The following HS6ST3 variants were observed in gnomAD, a reference collection of about 807,000 sequenced individuals.
HS6ST3 encodes heparan-sulfate 6-O-sulfotransferase 3.
A neutral mutation model predicts 36.7 loss-of-function variants in HS6ST3; 12 were observed. The ratio of observed to expected loss-of-function variants is 0.33; its 90% confidence interval spans 0.21 to 0.53. The LOEUF (loss-of-function observed/expected upper bound fraction) is 0.53. HS6ST3 is among the 20% of genes least tolerant of loss of function. HS6ST3 has a pLI of 0.95. For missense variants in HS6ST3, 584 were observed against 640.9 expected (o/e 0.91, Z 0.96); for synonymous variants, 240 against 257.5 (o/e 0.93, Z 0.65).
intron 1 of HS6ST3, among the ~76,000 whole-genome samples, chr13:96,424,440 A>G (rs2055576541): frequency 6.6e-6 from 1 of 152,244 alleles, no homozygotes. Context: ...ATCCTTTTAC[A>G]TAATGAATTT....
chr13:96,590,703 C>T (rs572886563), intron 1 of HS6ST3, among the ~76,000 whole-genome samples: 1 of 152,010 alleles, frequency 6.6e-6, no homozygotes, highest in East Asian at 1.9e-4. Context: ...GATGTGATTC[C>T]ATTTGTCCAT....
In HS6ST3 at chr13:96,233,905, G is replaced by T. The variant is rs190143689; in HGVS notation, c.707+142336G>T. Reference sequence around the variant, plus strand: ...AAGGATCAACATGGTCAAAATTACAGCAGGAAATAATTTGCATTCAGGATG... The same window carrying T: ...AAGGATCAACATGGTCAAAATTACATCAGGAAATAATTTGCATTCAGGATG... On this transcript the variant is annotated intron_variant, in intron 1 of 1. Coordinates refer to ENST00000376705, the MANE Select transcript of HS6ST3 (RefSeq NM_153456.4). Among the ~76,000 whole-genome samples the T allele has an allele frequency of 1.5e-3, 222 of 152,248 alleles. 1 individual carries two copies. Among genetic ancestry groups the T allele is most frequent in the Admixed American group, 2.4e-3 (37 of 15,296 alleles).
intron 1 of HS6ST3, among the ~76,000 whole-genome samples, chr13:96,583,204 CTTTTT>C (rs71292889): frequency 2.3e-4 from 12 of 52,920 alleles, no homozygotes; most frequent in African/African-American, 4.8e-4. Context: ...TTTTTCTTTT[CTTTTT>C]TTTTTTTTTT....
chr13:96,727,188 T>G (rs768374113), intron 1 of HS6ST3, among the ~76,000 whole-genome samples: 6 of 152,174 alleles, frequency 3.9e-5, no homozygotes, highest in South Asian at 2.1e-4. Flanking sequence ...ACACTTACCT[T>G]CAAGCATAAA....
At chr13:96,624,100 C>T (rs1199813496) in intron 1 of HS6ST3, among the ~76,000 whole-genome samples, 1 of 151,990 alleles carries the variant, frequency 6.6e-6, no homozygotes, top group Non-Finnish European at 1.5e-5. Context: ...ACATACAAAA[C>T]ATAAAATATG....
At chr13:96,721,193 C>T (rs935671587) in intron 1 of HS6ST3, among the ~76,000 whole-genome samples, 1 of 152,122 alleles carries the variant, frequency 6.6e-6, no homozygotes, top group Non-Finnish European at 1.5e-5. Flanking sequence ...GTGCATATCA[C>T]CTGAGCATGA....
chr13:96,395,619 T>C (rs554558385), intron 1 of HS6ST3, among the ~76,000 whole-genome samples: 8 of 152,344 alleles, frequency 5.3e-5, no homozygotes, highest in East Asian at 1.9e-4. Flanking sequence ...CCAGTGTCCC[T>C]GTTCTCATTG....
chr13:96,224,621 T>G (rs1019639614), intron 1 of HS6ST3, among the ~76,000 whole-genome samples: 1 of 152,238 alleles, frequency 6.6e-6, no homozygotes, highest in Non-Finnish European at 1.5e-5. Flanking sequence ...GATCTGTATG[T>G]CACCTTTTAG....
intron 1 of HS6ST3, among the ~76,000 whole-genome samples, chr13:96,279,714 A>G (rs1398240959): frequency 6.6e-6 from 1 of 152,160 alleles, no homozygotes; most frequent in Non-Finnish European, 1.5e-5. Context: ...TTATCTCAGA[A>G]CTGCTCTTTT....
At chr13:96,376,308 G>A (rs913194470) in intron 1 of HS6ST3, among the ~76,000 whole-genome samples, 7 of 152,118 alleles carry the variant, frequency 4.6e-5, no homozygotes, top group Admixed American at 4.6e-4. Flanking sequence ...AACTACAGAC[G>A]CTAATCTGTT....
chr13:96,165,146 C>T (rs1426768653), intron 1 of HS6ST3, among the ~76,000 whole-genome samples: 1 of 152,066 alleles, frequency 6.6e-6, no homozygotes, highest in African/African-American at 2.4e-5. Context: ...TAAGGAGTTA[C>T]ATAATTTTCT....
At chr13:96,728,971 G>A (rs1429869586) in intron 1 of HS6ST3, among the ~76,000 whole-genome samples, 2 of 152,204 alleles carry the variant, frequency 1.3e-5, no homozygotes, top group African/African-American at 4.8e-5. Flanking sequence ...CTTTAGGTGA[G>A]TGATATGTGC....
At chr13:96,214,121 G>A (rs534654031) in intron 1 of HS6ST3, among the ~76,000 whole-genome samples, 3 of 152,142 alleles carry the variant, frequency 2.0e-5, no homozygotes, top group Non-Finnish European at 2.9e-5. Flanking sequence ...TCCTACATAT[G>A]CATGTATGTC....
At chr13:96,670,507 A>G (rs1218070595) in intron 1 of HS6ST3, among the ~76,000 whole-genome samples, 1 of 152,106 alleles carries the variant, frequency 6.6e-6, no homozygotes, top group Non-Finnish European at 1.5e-5. Context: ...GAATAATTCA[A>G]TAGAAAGGAG....
intron 1 of HS6ST3, among the ~76,000 whole-genome samples, chr13:96,557,985 G>A (rs189527032): frequency 2.0e-4 from 31 of 152,156 alleles, no homozygotes; most frequent in Non-Finnish European, 1.0e-4. Flanking sequence ...GGGTAAATAA[G>A]TATATAAATT....
intron 1 of HS6ST3, among the ~76,000 whole-genome samples, chr13:96,569,841 T>G (rs1260974414): frequency 6.6e-6 from 1 of 152,118 alleles, no homozygotes; most frequent in Non-Finnish European, 1.5e-5. Context: ...CAATATTAGA[T>G]CTCAGGGCTG....
At chr13:96,259,686 G>T (rs940341566) in intron 1 of HS6ST3, among the ~76,000 whole-genome samples, 1 of 152,074 alleles carries the variant, frequency 6.6e-6, no homozygotes, top group East Asian at 1.9e-4. Context: ...GATTCTGTCT[G>T]CCTCATGTCT....
chr13:96,258,842 T>C (rs2054650458), intron 1 of HS6ST3, among the ~76,000 whole-genome samples: 1 of 152,202 alleles, frequency 6.6e-6, no homozygotes, highest in Non-Finnish European at 1.5e-5. Flanking sequence ...GTGATGAACG[T>C]AGCATGATCT....
At chr13:96,322,947 C>T (rs929032604) in intron 1 of HS6ST3, among the ~76,000 whole-genome samples, 6 of 152,152 alleles carry the variant, frequency 3.9e-5, no homozygotes, top group South Asian at 2.1e-4. Flanking sequence ...ACACTGTGCC[C>T]GCCTGGTGTG....
Sources: gnomAD v4.1 joint callset for allele counts (sites outside exome capture counted in the v4.1 genomes callset) on GRCh38, gnomAD v4.1.1 for gene constraint, MANE v1.5 for transcripts, NCBI Gene and HGNC (gene_info 2026-07-23, HGNC 2026-07-21) for gene names.